CAPN9: variants seen among roughly 807,000 people sequenced by gnomAD.
CAPN9 encodes calpain-9.
In CAPN9, 81 loss-of-function variants were observed where a neutral mutation model predicts 92.8. The ratio of observed to expected loss-of-function variants is 0.87; its 90% confidence interval spans 0.73 to 1.05. CAPN9 has a LOEUF of 1.05. CAPN9 is among the 50% of genes least tolerant of loss of function. CAPN9 has a pLI of 0.00. For synonymous variants in CAPN9, 304 were observed against 328.0 expected, an observed-to-expected ratio of 0.93 and a Z score of 0.79; for missense variants, 848 against 866.2, an observed-to-expected ratio of 0.98 and a Z score of 0.26.
intron 1 of CAPN9, 47 bp downstream of exon 1, chr1:230,747,756 A>G (rs779897431): frequency 1.9e-6 from 3 of 1,547,384 alleles, no homozygotes; most frequent in Non-Finnish European, 2.7e-6. Flanking sequence ...GCCGAGGTTC[A>G]GCAGCCCCCG....
chr1:230,774,248 C>T (rs1666584308), intron 7 of CAPN9, among the ~76,000 whole-genome samples: 1 of 152,248 alleles, frequency 6.6e-6, no homozygotes, highest in Admixed American at 6.5e-5. Context: ...GGCTCTTCTG[C>T]TACCCCACGG....
chr1:230,780,363 G>C, intron 10 of CAPN9, 27 bp downstream of exon 10: 1 of 1,611,534 alleles, frequency 6.2e-7, no homozygotes, highest in Non-Finnish European at 8.5e-7. Context: ...CTGCATTTCA[G>C]AGTTCTCCAT....
chr1:230,759,498 C>T lies in CAPN9; in HGVS notation c.284-14C>T. The T allele has an allele frequency of 6.4e-7, 1 of 1,565,914 alleles. No individual in the cohort carries two copies. The highest frequency in any genetic ancestry group is 8.7e-7 in the Non-Finnish European group (1 of 1,150,812). Reference sequence around the variant, plus strand: ...TAGCAATGAAAATTGTGATTTATGGCTTCCATTTTGCAGGAGACTGCTGGC... The same window carrying T: ...TAGCAATGAAAATTGTGATTTATGGTTTCCATTTTGCAGGAGACTGCTGGC... On this transcript the variant is annotated splice_polypyrimidine_tract_variant and intron_variant, in intron 2 of 19. Coordinates refer to ENST00000271971, the MANE Select transcript of CAPN9 (RefSeq NM_006615.3).
intron 3 of CAPN9, among the ~76,000 whole-genome samples, chr1:230,761,870 C>T (rs1665666170): frequency 6.6e-6 from 1 of 152,182 alleles, no homozygotes; most frequent in African/African-American, 2.4e-5. Context: ...CACACACAAG[C>T]TCATACACAT....
chr1:230,780,189 G>A lies in CAPN9; in HGVS notation c.1125G>A (p.Trp375Ter), dbSNP rs746472399. 1 of 1,612,918 alleles carries A rather than the reference G, an allele frequency of 6.2e-7. No individual in the cohort carries two copies. Among genetic ancestry groups the A allele is most frequent in the Non-Finnish European group, 8.5e-7 (1 of 1,179,670 alleles). ...GGCRNFLDTF[W>*]TNPQIKLSLT... Reference sequence around the variant, plus strand: ...TCTCCCAAATGACAGATACCTTTTGGACCAATCCACAAATAAAATTGTCTC... The same window carrying A: ...TCTCCCAAATGACAGATACCTTTTGAACCAATCCACAAATAAAATTGTCTC... The change falls in exon 10 of 20, where the codon TGG (tryptophan) becomes TGA (stop). Residue 375 changes from tryptophan to a stop codon, truncating the protein, a stop_gained. Coordinates refer to ENST00000271971, the MANE Select transcript of CAPN9 (RefSeq NM_006615.3). LOFTEE classifies it high-confidence loss of function.
chr1:230,787,614 C>T lies in CAPN9; in HGVS notation c.1599+12C>T. On this transcript the variant is annotated intron_variant, in intron 13 of 19. Transcript: ENST00000271971. The stretch of plus-strand genomic sequence containing the variant: ...AAGTCGCTGGTGAGGTAGGACATGC[C>T]CCACTTCCATCTCCCCACCAGGCTG... 1 of 1,610,188 alleles carries T rather than the reference C, an allele frequency of 6.2e-7. No homozygotes were observed. Among genetic ancestry groups the T allele is most frequent in the South Asian group, 1.1e-5 (1 of 90,984 alleles).
At chr1:230,784,266 G>T (rs991634841) in intron 11 of CAPN9, among the ~76,000 whole-genome samples, 4 of 152,196 alleles carry the variant, frequency 2.6e-5, no homozygotes, top group African/African-American at 4.8e-5. Flanking sequence ...TTCGAGAGAG[G>T]AATTCAAGCA....
intron 11 of CAPN9, 87 bp from the exon 12 acceptor site, chr1:230,785,894 C>T: frequency 7.6e-7 from 1 of 1,322,732 alleles, no homozygotes; most frequent in South Asian, 1.2e-5. Flanking sequence ...GGGACAGAAC[C>T]TTCCCAGGCT....
In CAPN9 at chr1:230,795,262, G is replaced by T; in HGVS notation, c.1970G>T (p.Arg657Leu). The T allele has an allele frequency of 6.2e-7, 1 of 1,610,424 alleles. No individual in the cohort carries two copies. Among genetic ancestry groups the T allele is most frequent in the South Asian group, 1.1e-5 (1 of 90,802 alleles). ...DFDDFLNCLVRLENASRVFQA... is the reference protein window; with the variant it reads ...DFDDFLNCLVLLENASRVFQA... ...GATGACTTCCTCAACTGCCTGGTCC[G>T]GCTGGAGAATGCGAGCCGTAAGTGT... The change falls in exon 18 of 20, where the codon CGG becomes CTG. Residue 657 changes from arginine to leucine, a missense_variant. Physicochemically the swap from Arg to Leu is moderately radical, Grantham distance 102. Coordinates refer to ENST00000271971, the MANE Select transcript of CAPN9 (RefSeq NM_006615.3).
intron 7 of CAPN9, among the ~76,000 whole-genome samples, 171 bp from the exon 8 acceptor site, chr1:230,774,383 G>T (rs530431412): frequency 1.2e-3 from 185 of 152,306 alleles, no homozygotes; most frequent in African/African-American, 4.2e-3. Context: ...TCTTATTTGG[G>T]GGCCAGTGGC....
intron 14 of CAPN9, among the ~76,000 whole-genome samples, chr1:230,791,642 T>C (rs1431805490): frequency 6.6e-6 from 1 of 152,230 alleles, no homozygotes; most frequent in Non-Finnish European, 1.5e-5. Context: ...CTAGAATAAA[T>C]GGATGAAGGC....
At chr1:230,778,807 T>C (rs1472128302) in intron 8 of CAPN9, among the ~76,000 whole-genome samples, 166 bp from the exon 9 acceptor site, 1 of 152,210 alleles carries the variant, frequency 6.6e-6, no homozygotes, top group East Asian at 1.9e-4. Context: ...AACCTTTATT[T>C]TACTTTTAAA....
At chr1:230,794,983 G>A (rs1020583963) in intron 17 of CAPN9, 180 bp from the exon 18 acceptor site, 5 of 576,072 alleles carry the variant, frequency 8.7e-6, no homozygotes, top group Non-Finnish European at 1.6e-5. Flanking sequence ...ACACTCTCAC[G>A]CTGCATTCAC....
Position 230,747,512 on chromosome 1 carries a change from C to A in CAPN9, c.16C>A (p.Arg6=). The change falls in exon 1 of 20, where the codon CGG becomes AGG. Residue 6 remains arginine, a synonymous_variant. Coordinates refer to ENST00000271971, the MANE Select transcript of CAPN9 (RefSeq NM_006615.3). ...GGGAGCAGCCATGCCTTACCTCTAC[C>A]GGGCCCCAGGGCCTCAGGCACACCC... The part of the protein sequence containing the change: MPYLY[R]APGPQAHPVP... The A allele has an allele frequency of 6.2e-7, 1 of 1,614,080 alleles. No individual in the cohort carries two copies. Among genetic ancestry groups the A allele is most frequent in the Middle Eastern group, 1.7e-4 (1 of 6,038 alleles).
At chr1:230,781,333 T>C (rs904210099) in intron 11 of CAPN9, among the ~76,000 whole-genome samples, 3 of 152,186 alleles carry the variant, frequency 2.0e-5, no homozygotes, top group African/African-American at 7.2e-5. Flanking sequence ...TCAGACCCTA[T>C]TACCAAGAAG....
At chr1:230,754,442 TGA>T (rs1665089510) in intron 1 of CAPN9, among the ~76,000 whole-genome samples, 1 of 151,960 alleles carries the variant, frequency 6.6e-6, no homozygotes, top group African/African-American at 2.4e-5. Context: ...TGAAACAATA[TGA>T]GAGATGTGTG....
rs56286310 is a variant in CAPN9, at chr1:230,765,212, GACACACACACACACAC to G, written c.537-2297_537-2282del. Among the ~76,000 whole-genome samples the G allele has an allele frequency of 6.7e-4, 89 of 132,146 alleles. 1 individual carries two copies. The highest frequency in any genetic ancestry group is 4.3e-3 in the East Asian group (20 of 4,684). The allele number at this position is 132,146 out of a possible 152,430, so 86.7% of individuals were successfully genotyped here. On this transcript the variant is annotated intron_variant, in intron 4 of 19. Transcript: ENST00000271971. Reference sequence around the variant, plus strand: ...TGCCAGAAAATGAGAACACATGCAAGACACACACACACACACACACACACACACACACACACACACA... The same window carrying G: ...TGCCAGAAAATGAGAACACATGCAAGACACACACACACACACACACACACA...
intron 5 of CAPN9, among the ~76,000 whole-genome samples, chr1:230,768,714 T>A (rs1479609922): frequency 1.3e-5 from 2 of 152,232 alleles, no homozygotes; most frequent in African/African-American, 2.4e-5. Context: ...GTATTTTTTT[T>A]AATCAATTCT....
intron 13 of CAPN9, among the ~76,000 whole-genome samples, chr1:230,789,228 T>A (rs1667811261): frequency 6.7e-6 from 1 of 149,444 alleles, no homozygotes; most frequent in Non-Finnish European, 1.5e-5. Flanking sequence ...GTGCATAAAG[T>A]CACCTGGGCA....
Sources: gnomAD v4.1 joint callset for allele counts (sites outside exome capture counted in the v4.1 genomes callset) on GRCh38, gnomAD v4.1.1 for gene constraint, MANE v1.5 for transcripts, NCBI Gene and HGNC (gene_info 2026-07-23, HGNC 2026-07-21) for gene names.